Variants in CAMK4 observed in about 807,000 individuals in gnomAD.
CAMK4 encodes the protein calcium/calmodulin dependent protein kinase IV.
Under a neutral mutation model 44.9 loss-of-function variants are expected in CAMK4, and 22 were observed. The ratio of observed to expected loss-of-function variants is 0.49; its 90% CI spans 0.35 to 0.70. The LOEUF is 0.70. CAMK4 is among the 30% of genes least tolerant of loss of function. CAMK4 has a pLI of 0.01. For missense variants in CAMK4, 498 were observed against 586.8 expected (o/e 0.85, Z 1.56); for synonymous variants, 218 against 215.4 (o/e 1.01, Z -0.11).
chr5:111,424,649 A>G (rs960114566), intron 5 of CAMK4, among the ~76,000 whole-genome samples: 17 of 151,492 alleles, frequency 1.1e-4, no homozygotes, highest in South Asian at 4.2e-4. Flanking sequence ...GGGTTTCACC[A>G]TGTTAGCCAG....
rs144129824 is a variant in CAMK4 at position 111,343,383 on chromosome 5, A to G, written c.162-641A>G. On this transcript the variant is annotated intron_variant, in intron 1 of 10. Transcript: ENST00000282356. ...CCTGTTTGGTCTATATTTCTCTTTT[A>G]TCTCTCTTTTACTCTTTTGCTTCTC... Among the ~76,000 whole-genome samples the G allele has an allele frequency of 3.2e-3, 488 of 151,746 alleles. 3 individuals are homozygous for G. Among genetic ancestry groups the G allele is most frequent in the African/African-American group, 0.011 (464 of 41,434 alleles).
chr5:111,442,197 A>C (rs974967609), intron 5 of CAMK4, among the ~76,000 whole-genome samples: 2 of 152,140 alleles, frequency 1.3e-5, no homozygotes, highest in African/African-American at 4.8e-5. Context: ...TTTTATCATA[A>C]TATGAAGGCA....
chr5:111,340,329 A>G (rs1749586117), intron 1 of CAMK4, among the ~76,000 whole-genome samples: 1 of 151,174 alleles, frequency 6.6e-6, no homozygotes, highest in African/African-American at 2.4e-5. Flanking sequence ...TCAACTTTTT[A>G]CCATTGAGTA....
At chr5:111,435,444 G>T (rs1753612144) in intron 5 of CAMK4, among the ~76,000 whole-genome samples, 2 of 151,904 alleles carry the variant, frequency 1.3e-5, no homozygotes, top group African/African-American at 4.8e-5. Context: ...GATATTTTCA[G>T]CTTCCTCATC....
chr5:111,281,390 T>C (rs1443755472), intron 1 of CAMK4, among the ~76,000 whole-genome samples: 1 of 152,234 alleles, frequency 6.6e-6, no homozygotes, highest in East Asian at 1.9e-4. Context: ...GTAAGTGATA[T>C]AGTACATGGA....
At chr5:111,225,246 G>A (rs1748130167) in intron 1 of CAMK4, among the ~76,000 whole-genome samples, 1 of 152,186 alleles carries the variant, frequency 6.6e-6, no homozygotes. Flanking sequence ...GATCCAGGCA[G>A]TGGTAATTAG....
At chr5:111,440,115 T>C (rs1381354379) in intron 5 of CAMK4, among the ~76,000 whole-genome samples, 1 of 152,168 alleles carries the variant, frequency 6.6e-6, no homozygotes, top group Non-Finnish European at 1.5e-5. Flanking sequence ...CTTTTTCTTA[T>C]TTCTCTTTGA....
At chr5:111,365,718 A>G (rs1456269229) in intron 2 of CAMK4, among the ~76,000 whole-genome samples, 1 of 152,104 alleles carries the variant, frequency 6.6e-6, no homozygotes, top group East Asian at 1.9e-4. Context: ...TGGACCAAAA[A>G]CAAGTCACTC....
intron 8 of CAMK4, among the ~76,000 whole-genome samples, chr5:111,474,920 C>T (rs1178544999): frequency 2.6e-5 from 4 of 152,080 alleles, no homozygotes; most frequent in Non-Finnish European, 4.4e-5. Context: ...CCCAGCACTT[C>T]GGGAGGCCGA....
In CAMK4 at chr5:111,224,615, T is replaced by G; in HGVS notation, c.132T>G (p.Asp44Glu). 1 of 1,610,988 alleles carries G rather than the reference T, an allele frequency of 6.2e-7. No individual in the cohort carries two copies. Residue 44 changes from aspartate (D) to glutamate (E), a missense_variant, in exon 1 of 11, where the codon GAT (aspartate) becomes GAG (glutamate). By Grantham distance (45) the Asp-to-Glu change is conservative (BLOSUM62 2). Coordinates refer to ENST00000282356, the MANE Select transcript of CAMK4 (RefSeq NM_001744.6). This position sits in a 1 kb window ranked among gnomAD's most constrained non-coding sequence, Gnocchi z 5.7. ...GCTCCAACAGGGATGCGCTGAGCGA[T>G]TTCTTCGAGGTGGAGTCGGAGCTGG... ...IDGSNRDALS[D>E]FFEVESELGR...
chr5:111,359,179 C>A (rs1481362819), intron 2 of CAMK4, among the ~76,000 whole-genome samples: 2 of 152,124 alleles, frequency 1.3e-5, no homozygotes, highest in Non-Finnish European at 2.9e-5. Context: ...AATTTACACT[C>A]CCACCAACAG....
At chr5:111,354,445 C>CAAA (rs58501236) in intron 2 of CAMK4, among the ~76,000 whole-genome samples, 55,776 of 124,198 alleles carry the variant, frequency 0.45, 10,675 homozygotes, top group Non-Finnish European at 0.51. Flanking sequence ...ATTCTCACCA[C>CAAA]AAAAAAAAAA....
At position 111,405,213 on chromosome 5, in the gene CAMK4, T is replaced by C. The variant is rs547165230; in HGVS notation, c.459+10431T>C. ...GGCTGGGTGTGGTGGCTCACGCCTG[T>C]AATCCCAGCACTTTGGGAGGCCAAG... On this transcript the variant is annotated intron_variant, in intron 5 of 10. Coordinates refer to ENST00000282356, the MANE Select transcript of CAMK4 (RefSeq NM_001744.6). Among the ~76,000 whole-genome samples, 5 of 152,348 alleles carry C rather than the reference T, an allele frequency of 3.3e-5. No individual in the cohort carries two copies. The East Asian group carries it at 9.6e-4, about 29-fold the overall frequency.
At chr5:111,441,541 C>T (rs569854864) in intron 5 of CAMK4, among the ~76,000 whole-genome samples, 12 of 152,224 alleles carry the variant, frequency 7.9e-5, no homozygotes, top group African/African-American at 2.4e-4. Flanking sequence ...CTACAATTGT[C>T]AGATTTGTTG....
At chr5:111,367,841 G>A (rs1319044694) in intron 2 of CAMK4, among the ~76,000 whole-genome samples, 1 of 152,060 alleles carries the variant, frequency 6.6e-6, no homozygotes, top group African/African-American at 2.4e-5. Context: ...AGGAGTAGTA[G>A]CCTGGTACAA....
intron 2 of CAMK4, among the ~76,000 whole-genome samples, chr5:111,369,303 G>A (rs191057421): frequency 6.6e-6 from 1 of 152,124 alleles, no homozygotes; most frequent in Non-Finnish European, 1.5e-5. Flanking sequence ...GGCTCCAAGT[G>A]ATCCACCCAC....
At chr5:111,273,705 A>G (rs1197628032) in intron 1 of CAMK4, among the ~76,000 whole-genome samples, 1 of 53,168 alleles carries the variant, frequency 1.9e-5, no homozygotes, top group South Asian at 9.7e-4. Context: ...ATATATATAT[A>G]TATATATATA....
At chr5:111,271,669 T>C (rs1168649788) in intron 1 of CAMK4, among the ~76,000 whole-genome samples, 7 of 152,140 alleles carry the variant, frequency 4.6e-5, no homozygotes, top group African/African-American at 1.7e-4. Context: ...TGCAAGTAAA[T>C]TCATAGAAAA....
At chr5:111,425,912 A>C (rs376671353) in intron 5 of CAMK4, among the ~76,000 whole-genome samples, 1 of 152,204 alleles carries the variant, frequency 6.6e-6, no homozygotes, top group African/African-American at 2.4e-5. Context: ...TTTTTAAACT[A>C]TGTCATTTAA....
Sources: gnomAD v4.1 joint callset for allele counts (sites outside exome capture counted in the v4.1 genomes callset) on GRCh38, gnomAD v4.1.1 for gene constraint, Gnocchi (gnomAD v3.1) non-coding constraint, MANE v1.5 for transcripts, NCBI Gene and HGNC (gene_info 2026-07-23, HGNC 2026-07-21) for gene names.